Variants in PTGES3 observed in about 807,000 individuals in gnomAD.
The protein encoded by PTGES3 is prostaglandin E synthase 3.
PTGES3 carries 5 observed loss-of-function variants against 29.9 expected under a neutral mutation model. The observed-to-expected ratio is 0.17, with a 90% CI of 0.09 to 0.35. The LOEUF is 0.35. PTGES3 is among the 10% of genes least tolerant of loss of function. The probability of loss-of-function intolerance (pLI) is 1.00; values close to 1 mark genes in which losing one functional copy is unlikely to be tolerated. For synonymous variants in PTGES3, 49 were observed against 57.8 expected, an observed-to-expected ratio of 0.85 and a Z score of 0.69; for missense variants, 128 against 190.0, an observed-to-expected ratio of 0.67 and a Z score of 1.92.
chr12:56,676,231 CCA>C (rs1565869312), intron 1 of PTGES3, among the ~76,000 whole-genome samples: 6 of 122,924 alleles, frequency 4.9e-5, no homozygotes, highest in Non-Finnish European at 6.6e-5. Context: ...GTCTCCCCCC[CCA>C]AAAAAAAAAA....
At chr12:56,667,221 G>A (rs562139920) in intron 5 of PTGES3, among the ~76,000 whole-genome samples, 1 of 152,076 alleles carries the variant, frequency 6.6e-6, no homozygotes, top group Non-Finnish European at 1.5e-5. Context: ...TGCCAGGCCT[G>A]GTATTCTCAT....
At chr12:56,687,871 T>C in intron 1 of PTGES3, 127 bp downstream of exon 1, 1 of 1,555,962 alleles carries the variant, frequency 6.4e-7, no homozygotes, top group Non-Finnish European at 8.6e-7. Flanking sequence ...ATCCTGGACC[T>C]CCCGCCCCCA....
chr12:56,678,148 A>T (rs1190739366), intron 1 of PTGES3, among the ~76,000 whole-genome samples: 2 of 152,128 alleles, frequency 1.3e-5, no homozygotes, highest in Non-Finnish European at 2.9e-5. Context: ...TTGATGTCTC[A>T]TTCCTCACAT....
chr12:56,669,282 T>C (rs773899298), intron 5 of PTGES3, among the ~76,000 whole-genome samples: 2 of 152,138 alleles, frequency 1.3e-5, no homozygotes, highest in Admixed American at 6.6e-5. Flanking sequence ...AACCTCCACC[T>C]CCCGGGTTCA....
At position 56,688,254 on chromosome 12, in the gene PTGES3, ACGTG is replaced by A. The variant is rs1212643808; in HGVS notation, c.-259_-256del. On this transcript the variant is annotated 5_prime_UTR_variant, in exon 1 of 8. Transcript: ENST00000262033. The stretch of plus-strand genomic sequence containing the variant: ...AAAGGGGCGCGAGGACGGAGAATGA[ACGTG>A]CGTGCGTGCAAACGAGGGGTGGTGA... The A allele has an allele frequency of 1.5e-5, 9 of 580,958 alleles. No homozygotes were observed. The South Asian group carries it at 2.4e-4, about 15-fold the overall frequency. The allele number at this position is 580,958 out of a possible 1,614,324, so 36.0% of individuals were successfully genotyped here. A position where few individuals can be genotyped will look rare whatever the true frequency, so the allele number is the denominator to read the frequency against.
intron 1 of PTGES3, among the ~76,000 whole-genome samples, chr12:56,673,874 A>C (rs1952110247): frequency 6.6e-6 from 1 of 151,702 alleles, no homozygotes; most frequent in Admixed American, 6.6e-5. Context: ...GGACTGAGGC[A>C]CAAGAATCAC....
intron 1 of PTGES3, among the ~76,000 whole-genome samples, chr12:56,675,004 CAAA>C (rs1177350725): frequency 3.1e-4 from 10 of 32,358 alleles, no homozygotes; most frequent in African/African-American, 9.2e-4. Context: ...AACTCGGTCT[CAAA>C]AAAAAAAAAA....
At position 56,667,715 on chromosome 12, in the gene PTGES3, G is replaced by A. The variant is rs146527654; in HGVS notation, c.376-1449C>T. ...AATGCAGAGTTGCTACTGTTAAATA[G>A]GTATCAAATTCCAATTACACAAAAT... On this transcript the variant is annotated intron_variant, in intron 5 of 7. Transcript: ENST00000262033. Among the ~76,000 whole-genome samples, 5 of 152,288 alleles carry A rather than the reference G, an allele frequency of 3.3e-5. No individual in the cohort carries two copies. In the East Asian group the frequency reaches 7.7e-4, roughly 23 times the overall value.
intron 1 of PTGES3, among the ~76,000 whole-genome samples, chr12:56,680,428 C>T (rs1952479147): frequency 1.3e-5 from 2 of 151,700 alleles, no homozygotes; most frequent in Admixed American, 1.3e-4. Flanking sequence ...TCTTGCTGCC[C>T]TGATTGGACT....
intron 1 of PTGES3, among the ~76,000 whole-genome samples, chr12:56,686,476 C>A (rs1952860948): frequency 6.6e-6 from 1 of 152,070 alleles, no homozygotes; most frequent in South Asian, 2.1e-4. Flanking sequence ...CAGATTCAAG[C>A]GATTCTCCTA....
intron 1 of PTGES3, among the ~76,000 whole-genome samples, chr12:56,682,171 G>C (rs1480672366): frequency 1.3e-5 from 2 of 152,220 alleles, no homozygotes; most frequent in Non-Finnish European, 1.5e-5. Flanking sequence ...CAAATGAAGT[G>C]TGGCTTCATG....
intron 1 of PTGES3, among the ~76,000 whole-genome samples, chr12:56,682,004 G>A (rs1219298962): frequency 6.6e-6 from 1 of 152,024 alleles, no homozygotes; most frequent in Non-Finnish European, 1.5e-5. Context: ...CCGCCACGGT[G>A]CCCAGCTAAT....
chr12:56,672,524 C>T (rs990704083), intron 3 of PTGES3, among the ~76,000 whole-genome samples: 4 of 151,972 alleles, frequency 2.6e-5, no homozygotes, highest in Admixed American at 6.6e-5. Flanking sequence ...AAAGATGAGA[C>T]GAGCCTCAAG....
intron 1 of PTGES3, among the ~76,000 whole-genome samples, chr12:56,681,894 T>C (rs530510762): frequency 6.6e-6 from 1 of 151,794 alleles, no homozygotes; most frequent in African/African-American, 2.4e-5. Flanking sequence ...CAGGCTGGAG[T>C]GCAGCAGTGG....
chr12:56,687,625 C>T (rs1320906165), intron 1 of PTGES3: 15 of 1,132,490 alleles, frequency 1.3e-5, no homozygotes, highest in Non-Finnish European at 1.6e-5. Context: ...ACCGGAGCGC[C>T]CAAGCAGCCG....
At chr12:56,668,006 G>T (rs1187233472) in intron 5 of PTGES3, among the ~76,000 whole-genome samples, 1 of 152,224 alleles carries the variant, frequency 6.6e-6, no homozygotes, top group African/African-American at 2.4e-5. Flanking sequence ...TACTTGGGAG[G>T]CTGAGGCAGG....
intron 5 of PTGES3, among the ~76,000 whole-genome samples, chr12:56,667,424 G>A (rs1951830628): frequency 6.6e-6 from 1 of 152,044 alleles, no homozygotes; most frequent in African/African-American, 2.4e-5. Context: ...AATGGGAAAG[G>A]ACCTTAAAAA....
intron 1 of PTGES3, among the ~76,000 whole-genome samples, chr12:56,680,701 G>A (rs1291545323): frequency 2.6e-5 from 4 of 151,986 alleles, no homozygotes; most frequent in African/African-American, 9.7e-5. Flanking sequence ...TTTCAAATGA[G>A]GGAATACATA....
intron 1 of PTGES3, 82 bp downstream of exon 1, chr12:56,687,916 G>A (rs1952960153): frequency 3.1e-6 from 5 of 1,602,076 alleles, no homozygotes; most frequent in East Asian, 2.3e-5. Context: ...TGCGAGAAAG[G>A]CTAGGGGGCC....
Sources: gnomAD v4.1 joint callset for allele counts (sites outside exome capture counted in the v4.1 genomes callset) on GRCh38, gnomAD v4.1.1 for gene constraint, MANE v1.5 for transcripts, NCBI Gene and HGNC (gene_info 2026-07-23, HGNC 2026-07-21) for gene names.